The following IGFBPL1 variants were observed in gnomAD, a reference collection of about 807,000 sequenced individuals.
IGFBPL1 encodes the protein insulin like growth factor binding protein like 1, also known as insulin-like growth factor-binding protein-like 1.
A neutral mutation model predicts 23.9 loss-of-function variants in IGFBPL1; 20 were observed. The ratio of observed to expected loss-of-function variants is 0.84; its 90% confidence interval spans 0.59 to 1.22. The LOEUF is 1.22. Ranked by LOEUF, IGFBPL1 falls within the 50% of genes most tolerant of loss-of-function variation. The pLI is 0.00. For missense variants in IGFBPL1, 436 were observed against 379.3 expected, an observed-to-expected ratio of 1.15 and a Z score of -1.24; for synonymous variants, 184 against 171.8, an observed-to-expected ratio of 1.07 and a Z score of -0.56.
Position 38,411,489 on chromosome 9 carries a change from C to T in IGFBPL1, c.748G>A (p.Gly250Arg). 1.2e-6 allele frequency: 2 copies of T among 1,613,924 alleles called. No homozygotes were observed. Among genetic ancestry groups the T allele is most frequent in the African/African-American group, 1.3e-5 (1 of 75,020 alleles). Residue 250 changes from glycine to arginine, a missense_variant, in exon 4 of 5, where the codon GGA (glycine) becomes AGA (arginine). Gly to Arg is a moderately radical substitution (Grantham distance 125). Coordinates refer to ENST00000377694, the MANE Select transcript of IGFBPL1 (RefSeq NM_001007563.3). ...ACTGTGCTGTGGGACTCAGCCTCTC[C>T]CACCATGTTGGCTGCATGGCACTGG... ...VYQCHAANMV[G>R]EAESHSTVTV...
chr9:38,416,778 A>G (rs1190021952), intron 1 of IGFBPL1, among the ~76,000 whole-genome samples: 1 of 151,784 alleles, frequency 6.6e-6, no homozygotes, highest in Non-Finnish European at 1.5e-5. Context: ...GGGCTCAAGC[A>G]ATCCTCCTGC....
chr9:38,415,809 G>T (rs982388110), intron 1 of IGFBPL1, among the ~76,000 whole-genome samples: 2 of 152,108 alleles, frequency 1.3e-5, no homozygotes, highest in Non-Finnish European at 2.9e-5. Context: ...GAGCCCCATA[G>T]CCCCTGGGTG....
In IGFBPL1 at chr9:38,408,803, G is replaced by A. The variant is rs1299031732; in HGVS notation, c.*424C>T. ...GGAAGGGATCTGTTCAGGTCACACA[G>A]CAAGTTACAGTCAGGCAGAGGACAG... On this transcript the variant is annotated 3_prime_UTR_variant, in exon 5 of 5. Coordinates refer to ENST00000377694, the MANE Select transcript of IGFBPL1 (RefSeq NM_001007563.3). Among the ~76,000 whole-genome samples, 1 of 152,180 alleles carries A rather than the reference G, an allele frequency of 6.6e-6. No individual in the cohort carries two copies. The highest frequency in any genetic ancestry group is 1.5e-5 in the Non-Finnish European group (1 of 68,028).
chr9:38,416,397 T>G (rs1286943480), intron 1 of IGFBPL1, among the ~76,000 whole-genome samples: 1 of 152,234 alleles, frequency 6.6e-6, no homozygotes, highest in Non-Finnish European at 1.5e-5. Flanking sequence ...ATACTGACTT[T>G]GTAACTGATT....
At chr9:38,415,360 C>T (rs1821585434) in intron 1 of IGFBPL1, among the ~76,000 whole-genome samples, 1 of 152,126 alleles carries the variant, frequency 6.6e-6, no homozygotes, top group Non-Finnish European at 1.5e-5. Flanking sequence ...CACAAGACTG[C>T]ACCTGGATAA....
At chr9:38,418,453 G>T (rs1253794009) in intron 1 of IGFBPL1, among the ~76,000 whole-genome samples, 1 of 152,216 alleles carries the variant, frequency 6.6e-6, no homozygotes, top group Non-Finnish European at 1.5e-5. Context: ...CAGGCAGGGT[G>T]TGCTGTCCTT....
intron 1 of IGFBPL1, among the ~76,000 whole-genome samples, chr9:38,419,269 C>T (rs1352806673): frequency 6.6e-6 from 1 of 152,134 alleles, no homozygotes; most frequent in Non-Finnish European, 1.5e-5. Context: ...ATAATCAACA[C>T]ACTGAACAGC....
intron 2 of IGFBPL1, 68 bp from the exon 3 acceptor site, chr9:38,413,421 G>A: frequency 9.9e-7 from 1 of 1,006,068 alleles, no homozygotes. Flanking sequence ...CATCCCATAG[G>A]CTTCCTTGCC....
rs1296250880 is a variant in IGFBPL1, at chr9:38,424,018, G to T, written c.407C>A (p.Pro136His). ...GTGCAGGTGACCGGGGTGCGCGCGG[G>T]GCGTGTGCCGAGCGCGCAGGCGCAG... Reference protein sequence around the residue: ...CALRLRARHTPRAHPGHLHKA... With the variant: ...CALRLRARHTHRAHPGHLHKA... The change falls in exon 1 of 5, where the codon CCC becomes CAC. Residue 136 changes from proline (P) to histidine (H), a missense_variant. Pro to His is a moderately conservative substitution (Grantham distance 77, BLOSUM62 -2). Coordinates refer to ENST00000377694, the MANE Select transcript of IGFBPL1 (RefSeq NM_001007563.3). The T allele has an allele frequency of 2.8e-6, 4 of 1,405,080 alleles. No individual in the cohort carries two copies. The African/African-American group carries it at 6.1e-5, about 21-fold the overall frequency. 87.0% of individuals were successfully genotyped at this position (1,405,080 alleles called of 1,614,324 possible).
intron 1 of IGFBPL1, among the ~76,000 whole-genome samples, chr9:38,418,170 T>C (rs1416967850): frequency 6.6e-6 from 1 of 152,186 alleles, no homozygotes; most frequent in Non-Finnish European, 1.5e-5. Context: ...TAGTCCCTAC[T>C]ATCCCCAAGG....
chr9:38,414,167 T>C lies in IGFBPL1; in HGVS notation c.497A>G (p.Asn166Ser), dbSNP rs753939367. The change falls in exon 2 of 5, where the codon AAC (asparagine) becomes AGC (serine). Residue 166 changes from asparagine (N) to serine (S), a missense_variant. Asn to Ser is a conservative substitution (Grantham distance 46, BLOSUM62 1). Coordinates refer to ENST00000377694, the MANE Select transcript of IGFBPL1 (RefSeq NM_001007563.3). ...CAGGCCCACCTGCGCCCCGGTGACGTTGTGAACACTTCGGGGAGGAACGAC... is the reference window on the plus strand; with the variant it reads ...CAGGCCCACCTGCGCCCCGGTGACGCTGTGAACACTTCGGGGAGGAACGAC... ...VVVVPPRSVH[N>S]VTGAQVGLSC... 1.2e-4 allele frequency: 196 copies of C among 1,610,808 alleles called. No individual in the cohort carries two copies. The Admixed American group carries it at 3.1e-3, about 25-fold the overall frequency.
intron 1 of IGFBPL1, among the ~76,000 whole-genome samples, chr9:38,420,433 C>A (rs977329821): frequency 7.2e-5 from 11 of 152,242 alleles, no homozygotes; most frequent in African/African-American, 2.7e-4. Context: ...TTGGGAAAAA[C>A]AGGAAGGTGG....
intron 1 of IGFBPL1, among the ~76,000 whole-genome samples, chr9:38,414,989 T>A (rs1388170062): frequency 6.6e-6 from 1 of 152,154 alleles, no homozygotes; most frequent in Non-Finnish European, 1.5e-5. Context: ...AGGCCAGGCG[T>A]TTCTACCTGC....
chr9:38,422,709 G>T (rs953652700), intron 1 of IGFBPL1, among the ~76,000 whole-genome samples: 3 of 152,170 alleles, frequency 2.0e-5, no homozygotes, highest in African/African-American at 7.2e-5. Context: ...AACAGCCAAT[G>T]GTGACTTTCC....
chr9:38,423,043 T>C (rs1352296277), intron 1 of IGFBPL1, among the ~76,000 whole-genome samples: 1 of 152,164 alleles, frequency 6.6e-6, no homozygotes, highest in Non-Finnish European at 1.5e-5. Flanking sequence ...TCACTCACCC[T>C]AAACTCAGCA....
chr9:38,416,494 GTATTTATT>G (rs919390951), intron 1 of IGFBPL1, among the ~76,000 whole-genome samples: 2 of 152,034 alleles, frequency 1.3e-5, no homozygotes, highest in African/African-American at 2.4e-5. Flanking sequence ...ATTTAAATTT[GTATTTATT>G]TATTTATTTA....
At chr9:38,409,917 T>C (rs1030500372) in intron 4 of IGFBPL1, among the ~76,000 whole-genome samples, 2 of 152,156 alleles carry the variant, frequency 1.3e-5, no homozygotes, top group African/African-American at 4.8e-5. Context: ...CCTTAATATC[T>C]CCTCCCATTC....
intron 1 of IGFBPL1, 105 bp from the exon 2 acceptor site, chr9:38,414,308 G>T: frequency 1.5e-6 from 1 of 652,134 alleles, no homozygotes; most frequent in Non-Finnish European, 2.7e-6. Context: ...GTCCTGACAT[G>T]AGGGGAGCGG....
intron 1 of IGFBPL1, among the ~76,000 whole-genome samples, chr9:38,414,701 G>A (rs938985317): frequency 1.3e-5 from 2 of 152,070 alleles, no homozygotes; most frequent in African/African-American, 2.4e-5. Context: ...AATCCCCTGC[G>A]GTCCATTCAA....
Sources: gnomAD v4.1 joint callset for allele counts (sites outside exome capture counted in the v4.1 genomes callset) on GRCh38, gnomAD v4.1.1 for gene constraint, MANE v1.5 for transcripts, NCBI Gene and HGNC (gene_info 2026-07-23, HGNC 2026-07-21) for gene names.